SDCBP: variants seen among roughly 807,000 people sequenced by gnomAD.
The protein encoded by SDCBP is syndecan binding protein, also known as syntenin-1.
A neutral mutation model predicts 30.5 loss-of-function variants in SDCBP; 22 were observed. The ratio of observed to expected loss-of-function variants is 0.72; its 90% CI spans 0.52 to 1.03. The LOEUF (loss-of-function observed/expected upper bound fraction) is 1.03, where lower values mean the gene tolerates loss of function less well. Ranked by LOEUF, SDCBP falls within the 50% of genes least tolerant of loss-of-function variation. The probability of loss-of-function intolerance (pLI) is 0.00; values close to 1 mark genes in which losing one functional copy is unlikely to be tolerated. For synonymous variants in SDCBP, 103 were observed against 118.7 expected, an observed-to-expected ratio of 0.87 and a Z score of 0.86; for missense variants, 304 against 369.9, an observed-to-expected ratio of 0.82 and a Z score of 1.46.
In SDCBP at chr8:58,557,339, A is replaced by T. The variant is rs575754718; in HGVS notation, c.-16+4036A>T. ...ATAAATATAAAATATATAAATATAAATATATAAAATATATAGATATATAAA... is the reference window on the plus strand; with the variant it reads ...ATAAATATAAAATATATAAATATAATTATATAAAATATATAGATATATAAA... On this transcript the variant is annotated intron_variant, in intron 1 of 8. Transcript: ENST00000260130. Among the ~76,000 whole-genome samples the T allele has an allele frequency of 4.9e-4, 68 of 137,406 alleles. No homozygotes were observed. In the East Asian group the frequency reaches 0.013, roughly 27 times the overall value. The allele number at this position is 137,406 out of a possible 152,430, so 90.1% of individuals were successfully genotyped here.
intron 2 of SDCBP, among the ~76,000 whole-genome samples, chr8:58,565,777 G>A (rs1043066545): frequency 1.3e-5 from 2 of 151,974 alleles, no homozygotes; most frequent in African/African-American, 4.8e-5. Context: ...TTAATTGGGG[G>A]TAATTTGTAG....
At position 58,568,021 on chromosome 8, in the gene SDCBP, G is replaced by A. The variant is rs145864557; in HGVS notation, c.52-2866G>A. Among the ~76,000 whole-genome samples, 1,013 of 152,220 alleles carry A rather than the reference G, an allele frequency of 6.7e-3. 6 individuals are homozygous for A. Among genetic ancestry groups the A allele is most frequent in the Middle Eastern group, 0.01 (3 of 294 alleles). The stretch of plus-strand genomic sequence containing the variant: ...GCCTAGGACATTATTGTATACTGCT[G>A]TAGACTTTATCAATACTCTATACTT... On this transcript the variant is annotated intron_variant, in intron 2 of 8. Transcript: ENST00000260130.
chr8:58,561,891 G>A (rs781758322), intron 1 of SDCBP: 309 of 588,634 alleles, frequency 5.2e-4, no homozygotes, highest in Non-Finnish European at 8.0e-4. Flanking sequence ...CATAAAAGAT[G>A]AAATTTGTAG....
rs377209298 is a variant in SDCBP, at chr8:58,580,368, T to G, written c.751-149T>G. The G allele has an allele frequency of 2.0e-4, 113 of 577,062 alleles. 1 individual carries two copies. In the African/African-American group the frequency reaches 2.0e-3, roughly 10 times the overall value. 35.7% of individuals were successfully genotyped at this position (577,062 alleles called of 1,614,324 possible). ...AGCAATTTGGTTACTAGCTGTAAAA[T>G]AGTGTACAATTAAACTTGGTAAGAA... is the stretch of plus-strand genomic sequence containing the variant. On this transcript the variant is annotated intron_variant, in intron 7 of 8. Coordinates refer to ENST00000260130, the MANE Select transcript of SDCBP (RefSeq NM_005625.4).
chr8:58,567,586 A>G (rs1411820929), intron 2 of SDCBP, among the ~76,000 whole-genome samples: 1 of 152,182 alleles, frequency 6.6e-6, no homozygotes, highest in Non-Finnish European at 1.5e-5. Flanking sequence ...ATTTTGACAA[A>G]TGTATAGTGA....
At position 58,559,553 on chromosome 8, in the gene SDCBP, AT is replaced by A. The variant is rs968375399; in HGVS notation, c.-15-5453del. ...TGATAGTGCTCTCTCAAGAATGTGAATTTTTTTTTTTTTCTCACAAACCCAG... is the reference window on the plus strand; with the variant it reads ...TGATAGTGCTCTCTCAAGAATGTGAATTTTTTTTTTTTCTCACAAACCCAG... On this transcript the variant is annotated intron_variant, in intron 1 of 8. Coordinates refer to ENST00000260130, the MANE Select transcript of SDCBP (RefSeq NM_005625.4). 1.4e-3 allele frequency among the ~76,000 whole-genome samples: 207 copies of A among 146,968 alleles called. 2 individuals are homozygous for A. The highest frequency in any genetic ancestry group is 3.6e-3 in the African/African-American group (147 of 40,322).
chr8:58,559,711 A>T (rs902438591), intron 1 of SDCBP, among the ~76,000 whole-genome samples: 2 of 152,230 alleles, frequency 1.3e-5, no homozygotes, highest in Non-Finnish European at 2.9e-5. Context: ...GAAAGCTCAT[A>T]TGCTTCTTCT....
At chr8:58,578,816 TTTATC>T (rs1301188404) in intron 6 of SDCBP, among the ~76,000 whole-genome samples, 4 of 152,240 alleles carry the variant, frequency 2.6e-5, no homozygotes, top group African/African-American at 4.8e-5. Flanking sequence ...AAACTTCTGT[TTTATC>T]TTTGTGTTTC....
In SDCBP at chr8:58,555,681, G is replaced by A. The variant is rs554130987; in HGVS notation, c.-16+2378G>A. 1.1e-4 allele frequency among the ~76,000 whole-genome samples: 17 copies of A among 152,056 alleles called. No homozygotes were observed. The South Asian group carries it at 3.1e-3, about 28-fold the overall frequency. On this transcript the variant is annotated intron_variant, in intron 1 of 8. Transcript: ENST00000260130. The stretch of plus-strand genomic sequence containing the variant: ...TAGGATATATTAAATTGTGTTTCTA[G>A]ACCTCATGTATGAGCCATCTGGAAT...
intron 1 of SDCBP, among the ~76,000 whole-genome samples, chr8:58,563,521 A>C (rs1804545284): frequency 1.3e-5 from 2 of 152,100 alleles, no homozygotes; most frequent in South Asian, 4.1e-4. Flanking sequence ...ACTAAAAACC[A>C]TTGCATTATA....
At chr8:58,557,154 A>ATATAG (rs1025719618) in intron 1 of SDCBP, among the ~76,000 whole-genome samples, 4 of 47,764 alleles carry the variant, frequency 8.4e-5, no homozygotes, top group African/African-American at 6.8e-4. Context: ...ATATTATAAT[A>ATATAG]TATAATTATA....
intron 2 of SDCBP, 106 bp from the exon 3 acceptor site, chr8:58,570,780 TC>T: frequency 1.4e-6 from 1 of 712,168 alleles, no homozygotes; most frequent in Middle Eastern, 4.0e-4. Flanking sequence ...ACATAAATCT[TC>T]ATTGTTTTAG....
chr8:58,577,839 G>A (rs1805430751), intron 5 of SDCBP, among the ~76,000 whole-genome samples, 194 bp from the exon 6 acceptor site: 1 of 152,090 alleles, frequency 6.6e-6, no homozygotes, highest in Non-Finnish European at 1.5e-5. Context: ...TGGAGTTGCT[G>A]TCTTGATAAA....
At chr8:58,565,238 GTT>G (rs1804642382) in intron 2 of SDCBP, among the ~76,000 whole-genome samples, 154 bp downstream of exon 2, 1 of 151,762 alleles carries the variant, frequency 6.6e-6, no homozygotes, top group African/African-American at 2.4e-5. Flanking sequence ...AGACTGAAAA[GTT>G]TACAGAAAAA....
intron 3 of SDCBP, among the ~76,000 whole-genome samples, chr8:58,571,678 C>A: frequency 6.6e-6 from 1 of 152,028 alleles, no homozygotes; most frequent in East Asian, 1.9e-4. Flanking sequence ...TTAAAAATAC[C>A]ATTTCCAGGA....
At chr8:58,565,187 T>G (rs1307676177) in intron 2 of SDCBP, 103 bp downstream of exon 2, 1 of 514,516 alleles carries the variant, frequency 1.9e-6, no homozygotes, top group East Asian at 3.4e-5. Context: ...TATTTGTTCA[T>G]TTTTACACTT....
Sources: allele counts gnomAD v4.1 joint callset (sites outside exome capture counted in the v4.1 genomes callset), GRCh38; gene constraint gnomAD v4.1.1; transcripts MANE v1.5; gene names NCBI Gene and HGNC (gene_info 2026-07-23, HGNC 2026-07-21).